ROBO2: variants seen among roughly 807,000 people sequenced by gnomAD.
ROBO2 encodes roundabout homolog 2.
A neutral mutation model predicts 160.8 loss-of-function variants in ROBO2; 53 were observed. That is an observed-to-expected ratio of 0.33 (90% CI 0.26 to 0.41). The LOEUF (loss-of-function observed/expected upper bound fraction) is 0.41. ROBO2 is among the 10% of genes least tolerant of loss of function. The probability of loss-of-function intolerance (pLI) is 1.00; values close to 1 mark genes in which losing one functional copy is unlikely to be tolerated. For synonymous variants in ROBO2, 664 were observed against 611.7 expected (o/e 1.09, Z -1.26); for missense variants, 1,577 against 1,722.4 (o/e 0.92, Z 1.49).
At chr3:76,450,269 GA>G (rs1419970068) in intron 2 of ROBO2, among the ~76,000 whole-genome samples, 1 of 152,116 alleles carries the variant, frequency 6.6e-6, no homozygotes, top group African/African-American at 2.4e-5. Flanking sequence ...TTAAAAGAGT[GA>G]CAAATTTCAG....
chr3:76,946,233 A>T (rs2149139809), intron 2 of ROBO2, among the ~76,000 whole-genome samples: 1 of 152,290 alleles, frequency 6.6e-6, no homozygotes, highest in African/African-American at 2.4e-5. Flanking sequence ...TGCACTGACC[A>T]GCCATATAAT....
At chr3:76,713,639 G>T (rs1220504822) in intron 2 of ROBO2, among the ~76,000 whole-genome samples, 1 of 152,084 alleles carries the variant, frequency 6.6e-6, no homozygotes, top group African/African-American at 2.4e-5. Flanking sequence ...AGAAAAGCTG[G>T]TAAGTTTTTC....
At chr3:77,643,828 CA>C (rs760206563) in intron 24 of ROBO2, among the ~76,000 whole-genome samples, 29 of 152,130 alleles carry the variant, frequency 1.9e-4, no homozygotes, top group Non-Finnish European at 4.0e-4. Context: ...CAGTAGATGA[CA>C]ATTTTAATAT....
At chr3:75,989,856 G>A (rs867488462) in intron 2 of ROBO2, among the ~76,000 whole-genome samples, 1 of 152,210 alleles carries the variant, frequency 6.6e-6, no homozygotes, top group Non-Finnish European at 1.5e-5. Flanking sequence ...GATTGGTGGC[G>A]GTTTTGCATG....
intron 2 of ROBO2, among the ~76,000 whole-genome samples, chr3:76,377,498 A>C (rs990686611): frequency 2.0e-5 from 3 of 152,172 alleles, no homozygotes; most frequent in African/African-American, 7.2e-5. Context: ...TTACCTGAGG[A>C]AAACTGAAGT....
At chr3:76,900,778 G>C (rs941675702) in intron 2 of ROBO2, among the ~76,000 whole-genome samples, 1 of 152,142 alleles carries the variant, frequency 6.6e-6, no homozygotes, top group Non-Finnish European at 1.5e-5. Context: ...CTGAAGCCTG[G>C]AATTTCCAAG....
chr3:77,513,296 C>T (rs978681440), intron 5 of ROBO2, among the ~76,000 whole-genome samples: 1 of 151,736 alleles, frequency 6.6e-6, no homozygotes, highest in Non-Finnish European at 1.5e-5. Context: ...GAAGTTCCTA[C>T]CCTTGAGGCT....
intron 2 of ROBO2, among the ~76,000 whole-genome samples, chr3:76,921,636 A>G (rs976953936): frequency 2.6e-5 from 4 of 152,042 alleles, no homozygotes; most frequent in Non-Finnish European, 5.9e-5. Context: ...TCCAACCTCA[A>G]ATATTTGCAG....
intron 2 of ROBO2, among the ~76,000 whole-genome samples, chr3:76,576,092 T>G (rs2085271916): frequency 1.3e-5 from 2 of 152,130 alleles, no homozygotes; most frequent in Admixed American, 1.3e-4. Flanking sequence ...GTGTGTTAAT[T>G]ATACAGTTAT....
chr3:76,404,671 A>T (rs1029100070), intron 2 of ROBO2, among the ~76,000 whole-genome samples: 1 of 151,440 alleles, frequency 6.6e-6, no homozygotes, highest in African/African-American at 2.4e-5. Context: ...GAGAGACTCG[A>T]AGTTGCTTAG....
chr3:77,120,960 T>A (rs1033555152), intron 2 of ROBO2, among the ~76,000 whole-genome samples: 1 of 152,152 alleles, frequency 6.6e-6, no homozygotes, highest in Non-Finnish European at 1.5e-5. Flanking sequence ...TATTATTATT[T>A]TTGAGACGGA....
At chr3:77,051,393 C>G (rs961230691) in intron 1 of ROBO2, among the ~76,000 whole-genome samples, 11 of 152,102 alleles carry the variant, frequency 7.2e-5, no homozygotes, top group Non-Finnish European at 8.8e-5. Flanking sequence ...GTGTTTGATG[C>G]CTGCCCTCTA....
chr3:76,980,169 G>A (rs565326320), intron 2 of ROBO2, among the ~76,000 whole-genome samples: 9 of 152,286 alleles, frequency 5.9e-5, no homozygotes, highest in Admixed American at 3.9e-4. Context: ...ATTCTCGGCT[G>A]CTTTTTGTTT....
intron 2 of ROBO2, among the ~76,000 whole-genome samples, chr3:77,364,544 G>A (rs935902111): frequency 6.6e-6 from 1 of 152,140 alleles, no homozygotes; most frequent in Non-Finnish European, 1.5e-5. Flanking sequence ...AGGTTCTCTG[G>A]TTAAGGAAGT....
intron 2 of ROBO2, among the ~76,000 whole-genome samples, chr3:76,376,099 T>C (rs1381337475): frequency 6.6e-6 from 1 of 152,150 alleles, no homozygotes; most frequent in African/African-American, 2.4e-5. Flanking sequence ...CTTATCATAT[T>C]TGTTGAATGC....
upstream of ROBO2, among the ~76,000 whole-genome samples, chr3:77,038,901 C>G (rs1265890274): frequency 6.6e-6 from 1 of 152,162 alleles, no homozygotes; most frequent in African/African-American, 2.4e-5. Flanking sequence ...ACACCCAGAG[C>G]CTATGTTTAC....
intron 2 of ROBO2, among the ~76,000 whole-genome samples, chr3:76,584,378 G>A (rs2085898778): frequency 6.6e-6 from 1 of 152,002 alleles, no homozygotes; most frequent in African/African-American, 2.4e-5. Flanking sequence ...TTCAGAATGT[G>A]ACCTCATTGG....
chr3:75,990,732 C>A (rs1326736592), intron 2 of ROBO2, among the ~76,000 whole-genome samples: 1 of 152,056 alleles, frequency 6.6e-6, no homozygotes, highest in Non-Finnish European at 1.5e-5. Flanking sequence ...TGTTTTTGTT[C>A]TTTGTCTAGT....
chr3:76,694,524 C>T (rs1050676990), intron 2 of ROBO2, among the ~76,000 whole-genome samples: 3 of 151,940 alleles, frequency 2.0e-5, no homozygotes, highest in African/African-American at 7.3e-5. Context: ...TCGACTAAAC[C>T]CAATCTAGTA....
Sources: gnomAD v4.1 joint callset for allele counts (sites outside exome capture counted in the v4.1 genomes callset) on GRCh38, gnomAD v4.1.1 for gene constraint, MANE v1.5 for transcripts, NCBI Gene and HGNC (gene_info 2026-07-23, HGNC 2026-07-21) for gene names.